Variants in TCF20 observed in about 807,000 individuals in gnomAD.
TCF20 encodes SPRE-binding protein.
Under a neutral mutation model 148.6 loss-of-function variants are expected in TCF20, and 3 were observed. That is an observed-to-expected ratio of 0.02 (90% CI 0.01 to 0.05). The LOEUF (loss-of-function observed/expected upper bound fraction) is 0.05. TCF20 is among the 10% of genes least tolerant of loss of function. The pLI, the probability that TCF20 is intolerant of heterozygous loss-of-function variation, is 1.00. For missense variants in TCF20, 2,350 were observed against 2,429.3 expected, an observed-to-expected ratio of 0.97 and a Z score of 0.69; for synonymous variants, 1,049 against 909.5, an observed-to-expected ratio of 1.15 and a Z score of -2.76.
intron 2 of TCF20, among the ~76,000 whole-genome samples, chr22:42,184,554 AAAT>A (rs1936953764): frequency 6.6e-6 from 1 of 152,156 alleles, no homozygotes; most frequent in Non-Finnish European, 1.5e-5. Context: ...CCTATGCTAC[AAAT>A]AATATATTAA....
chr22:42,210,034 T>C lies in TCF20; in HGVS notation c.5272A>G (p.Asn1758Asp), dbSNP rs538460332. The change falls in exon 2 of 6, where the codon AAT (asparagine) becomes GAT (aspartate). Residue 1758 changes from asparagine (N) to aspartate (D), a missense_variant. Asn to Asp is a conservative substitution (Grantham distance 23). This residue lies in a region of TCF20 where 374 missense variants were observed against 398.3 expected (regional missense o/e 0.94). Transcript: ENST00000677622. The surrounding 1 kb of genome is among the most constrained non-coding windows in gnomAD (Gnocchi z 4.7). ...TCCTCAGTGTCCGTCTTGGAGCCAT[T>C]AGAAGCACTTTTGTGCCGTACCTTA... ...KVKVRHKSAS[N>D]GSKTDTEEEE... The C allele has an allele frequency of 6.2e-7, 1 of 1,612,926 alleles. No individual in the cohort carries two copies. Among genetic ancestry groups the C allele is most frequent in the African/African-American group, 1.3e-5 (1 of 75,044 alleles).
rs183775933 is a variant in TCF20, at chr22:42,174,845, C to T, written c.5749+4764G>A. Among the ~76,000 whole-genome samples, 1,097 of 152,158 alleles carry T rather than the reference C, an allele frequency of 7.2e-3. 10 individuals carry two copies. Among genetic ancestry groups the T allele is most frequent in the African/African-American group, 0.025 (1,049 of 41,518 alleles). ...GGTCAGGAGATCGAGACCATCCCGG[C>T]TAACACGGTGAAACCCCGTCTCTAC... On this transcript the variant is annotated intron_variant, in intron 3 of 5. Coordinates refer to ENST00000677622, the MANE Select transcript of TCF20 (RefSeq NM_001378418.1).
intron 1 of TCF20, among the ~76,000 whole-genome samples, chr22:42,254,612 G>T (rs1307629537): frequency 6.6e-6 from 1 of 152,176 alleles, no homozygotes; most frequent in Admixed American, 6.5e-5. Context: ...CCACCTCTCA[G>T]ACTGTGGCTC....
At position 42,292,568 on chromosome 22, in the gene TCF20, G is replaced by T. The variant is rs1927151715; in HGVS notation, c.-37+50911C>A. Among the ~76,000 whole-genome samples the T allele has an allele frequency of 6.6e-6, 1 of 152,182 alleles. No individual in the cohort carries two copies. On this transcript the variant is annotated intron_variant, in intron 1 of 1. Transcript: ENST00000515426. The surrounding 1 kb of genome is among the most constrained non-coding windows in gnomAD (Gnocchi z 4.9). Reference sequence around the variant, plus strand: ...GTGTCAACTGTAACCAAGGTAGGTTGTGAGATGCCAGAAGAGTGGGCAGCA... The same window carrying T: ...GTGTCAACTGTAACCAAGGTAGGTTTTGAGATGCCAGAAGAGTGGGCAGCA...
Position 42,213,565 on chromosome 22 carries a change from C to T in TCF20, c.1741G>A (p.Ala581Thr), listed in dbSNP as rs761031670. Residue 581 changes from alanine to threonine, a missense_variant, in exon 2 of 6, where the codon GCC becomes ACC. Coordinates refer to ENST00000677622, the MANE Select transcript of TCF20 (RefSeq NM_001378418.1). ...ATGTCCTTAGCGCCTGGTGAGGTGGCCTCTTCTCTTGCGGCAGGACTAGCA... is the reference window on the plus strand; with the variant it reads ...ATGTCCTTAGCGCCTGGTGAGGTGGTCTCTTCTCTTGCGGCAGGACTAGCA... ...LNASPAAREE[A>T]TSPGAKDMPL... The T allele has an allele frequency of 2.1e-5, 34 of 1,614,174 alleles. No individual in the cohort carries two copies. Among genetic ancestry groups the T allele is most frequent in the Admixed American group, 3.3e-5 (2 of 60,022 alleles).
chr22:42,172,419 G>C (rs1936186384), intron 3 of TCF20, among the ~76,000 whole-genome samples: 1 of 152,188 alleles, frequency 6.6e-6, no homozygotes, highest in Non-Finnish European at 1.5e-5. Context: ...CAAGGCCCAG[G>C]CACCATCCTA....
At chr22:42,315,839 C>T (rs184132364) in intron 1 of TCF20, among the ~76,000 whole-genome samples, 10 of 152,172 alleles carry the variant, frequency 6.6e-5, no homozygotes, top group Admixed American at 3.9e-4. Context: ...CAAGGCTGGG[C>T]GTGGTGGCTC....
Position 42,214,422 on chromosome 22 carries a change from T to C in TCF20, c.884A>G (p.Gln295Arg). ...TGCCTGTTCAAAATTCTTCATAGAT[T>C]GAGGCTGATAGCTGTAATTGGATTG... Reference protein sequence around the residue: ...GTQSNYSYQPQSMKNFEQAKI... With the variant: ...GTQSNYSYQPRSMKNFEQAKI... Residue 295 changes from glutamine (Q) to arginine (R), a missense_variant, in exon 2 of 6, where the codon CAA (glutamine) becomes CGA (arginine). Coordinates refer to ENST00000677622, the MANE Select transcript of TCF20 (RefSeq NM_001378418.1). 6.2e-7 allele frequency: 1 copy of C among 1,614,118 alleles called. No homozygotes were observed. The highest frequency in any genetic ancestry group is 8.5e-7 in the Non-Finnish European group (1 of 1,180,020).
In TCF20 at chr22:42,213,658, C is replaced by A. The variant is rs1291131545; in HGVS notation, c.1648G>T (p.Gly550Cys). 3.7e-6 allele frequency: 6 copies of A among 1,614,100 alleles called. No individual in the cohort carries two copies. In the South Asian group the frequency reaches 5.5e-5, roughly 15 times the overall value. ...QSTSSDTTYK[G>C]GASEKAGSSP... Reference sequence around the variant, plus strand: ...GAGCCAGCTTTCTCAGAGGCTCCACCCTTGTAGGTGGTGTCAGAGCTGGTG... The same window carrying A: ...GAGCCAGCTTTCTCAGAGGCTCCACACTTGTAGGTGGTGTCAGAGCTGGTG... The change falls in exon 2 of 6, where the codon GGT becomes TGT. Residue 550 changes from glycine (G) to cysteine (C), a missense_variant. By Grantham distance (159) the Gly-to-Cys change is radical. This residue lies in a region of TCF20 where 1,641 missense variants were observed against 1,662.6 expected (regional missense o/e 0.99). Transcript: ENST00000677622.
At chr22:42,254,308 C>A (rs901598648) in intron 1 of TCF20, among the ~76,000 whole-genome samples, 1 of 130,748 alleles carries the variant, frequency 7.6e-6, no homozygotes, top group Non-Finnish European at 1.8e-5. Context: ...CAGCTCCACT[C>A]CACTTTCTTT....
Position 42,209,638 on chromosome 22 carries a change from T to G in TCF20, c.5655+13A>C, listed in dbSNP as rs200319310. On this transcript the variant is annotated intron_variant, in intron 2 of 5. Transcript: ENST00000677622. ...TAAAAATCCCAAGCTGGTAAGAGATTTCTCATACTCACCATCTCTCTGGCT... is the reference window on the plus strand; with the variant it reads ...TAAAAATCCCAAGCTGGTAAGAGATGTCTCATACTCACCATCTCTCTGGCT... 2.0e-5 allele frequency: 31 copies of G among 1,568,606 alleles called. No individual in the cohort carries two copies. The highest frequency in any genetic ancestry group is 2.5e-5 in the Non-Finnish European group (29 of 1,159,122).
At chr22:42,228,368 C>A (rs1160286239) in intron 1 of TCF20, among the ~76,000 whole-genome samples, 1 of 152,218 alleles carries the variant, frequency 6.6e-6, no homozygotes. Context: ...ACTAGTTAAA[C>A]ACAAGCCATG....
At chr22:42,256,124 C>T (rs1925728916) in intron 1 of TCF20, among the ~76,000 whole-genome samples, 1 of 152,198 alleles carries the variant, frequency 6.6e-6, no homozygotes, top group Non-Finnish European at 1.5e-5. Context: ...CTCCAATATT[C>T]TTCCCATACT....
At chr22:42,183,181 C>G (rs1009076012) in intron 2 of TCF20, among the ~76,000 whole-genome samples, 1 of 152,202 alleles carries the variant, frequency 6.6e-6, no homozygotes, top group African/African-American at 2.4e-5. Context: ...CAGAGAGACA[C>G]AATGACTGGG....
intron 1 of TCF20, among the ~76,000 whole-genome samples, chr22:42,246,973 TAAAA>T (rs745840080): frequency 1.7e-5 from 1 of 59,916 alleles, no homozygotes; most frequent in Non-Finnish European, 3.6e-5. Context: ...CTCAAAAAAT[TAAAA>T]AAAAAAAAAA....
intron 4 of TCF20, among the ~76,000 whole-genome samples, chr22:42,169,467 T>C (rs1440804618): frequency 6.6e-6 from 1 of 152,156 alleles, no homozygotes; most frequent in Non-Finnish European, 1.5e-5. Context: ...GGAAGATGCC[T>C]TTGCACAGGC....
At chr22:42,269,052 G>A (rs1365447328) in intron 1 of TCF20, among the ~76,000 whole-genome samples, 5 of 152,208 alleles carry the variant, frequency 3.3e-5, no homozygotes, top group African/African-American at 1.2e-4. Context: ...AAAGTAACTT[G>A]CCCTGGGCTG....
chr22:42,166,335 C>T (rs766942398), intron 5 of TCF20, among the ~76,000 whole-genome samples: 3 of 152,196 alleles, frequency 2.0e-5, no homozygotes, highest in Non-Finnish European at 4.4e-5. Context: ...TGGCCGGGCG[C>T]CGTGGCTCAC....
intron 1 of TCF20, among the ~76,000 whole-genome samples, chr22:42,216,078 C>CTTTTTTT (rs1569156309): frequency 5.6e-5 from 3 of 53,786 alleles, no homozygotes; most frequent in Admixed American, 1.9e-4. Flanking sequence ...AAAACCAAAT[C>CTTTTTTT]CTTTTTTTTT....
Sources: gnomAD v4.1 joint callset for allele counts (sites outside exome capture counted in the v4.1 genomes callset) on GRCh38, gnomAD v4.1.1 for gene constraint, gnomAD v4.1.1 regional missense constraint, Gnocchi (gnomAD v3.1) non-coding constraint, MANE v1.5 for transcripts, NCBI Gene and HGNC (gene_info 2026-07-23, HGNC 2026-07-21) for gene names.